C12orf42: variants seen among roughly 807,000 people sequenced by gnomAD.
C12orf42 encodes chromosome 12 open reading frame 42.
C12orf42 carries 25 observed loss-of-function variants against 21.6 expected under a neutral mutation model. That is an observed-to-expected ratio of 1.16 (90% CI 0.84 to 1.62). The LOEUF (loss-of-function observed/expected upper bound fraction) is 1.62, where lower values mean the gene tolerates loss of function less well. C12orf42 is among the 40% of genes most tolerant of loss of function. The pLI, the probability that C12orf42 is intolerant of heterozygous loss-of-function variation, is 0.00. For synonymous variants in C12orf42, 174 were observed against 175.0 expected (o/e 0.99, Z 0.05); for missense variants, 483 against 459.3 (o/e 1.05, Z -0.47).
rs191761209 is a variant in C12orf42, at chr12:103,337,910, T to A, written c.259+30977A>T. On this transcript the variant is annotated intron_variant, in intron 4 of 5. Coordinates refer to ENST00000548883, the MANE Select transcript of C12orf42 (RefSeq NM_198521.5). Reference sequence around the variant, plus strand: ...ATTTGCCAAGATTCAATCAAGTCTCTACCTGACCTCATTTCATCCCTTGAT... The same window carrying A: ...ATTTGCCAAGATTCAATCAAGTCTCAACCTGACCTCATTTCATCCCTTGAT... 3.8e-3 allele frequency among the ~76,000 whole-genome samples: 585 copies of A among 152,302 alleles called. 1 individual carries two copies. Among genetic ancestry groups the A allele is most frequent in the Non-Finnish European group, 5.4e-3 (369 of 68,018 alleles).
the C12orf42 span, among the ~76,000 whole-genome samples, chr12:103,088,832 G>A: frequency 5.3e-5 from 8 of 152,130 alleles, no homozygotes; most frequent in African/African-American, 1.4e-4. Context: ...AGCTGGGTGC[G>A]GTGGCTCACG....
the C12orf42 span, among the ~76,000 whole-genome samples, chr12:103,553,406 T>A: frequency 9.9e-5 from 15 of 152,092 alleles, no homozygotes; most frequent in African/African-American, 3.6e-4. Flanking sequence ...CTGCAGCCCT[T>A]AAAACAAGGA....
At chr12:103,441,863 C>A (rs1433198144) in intron 2 of C12orf42, among the ~76,000 whole-genome samples, 1 of 152,090 alleles carries the variant, frequency 6.6e-6, no homozygotes, top group South Asian at 2.1e-4. Context: ...AAAATCTAGC[C>A]CCAGCATGGT....
chr12:103,310,169 T>C (rs980383293), intron 4 of C12orf42, among the ~76,000 whole-genome samples: 1 of 152,190 alleles, frequency 6.6e-6, no homozygotes, highest in Non-Finnish European at 1.5e-5. Context: ...GCACTATCCC[T>C]CTGGTGCTGT....
At chr12:103,372,192 C>G (rs988547298) in intron 3 of C12orf42, among the ~76,000 whole-genome samples, 1 of 152,132 alleles carries the variant, frequency 6.6e-6, no homozygotes, top group Non-Finnish European at 1.5e-5. Context: ...CTATTAGCAT[C>G]TTCATCCACA....
At chr12:103,068,886 TATAG>T in the C12orf42 span, among the ~76,000 whole-genome samples, 127 of 133,382 alleles carry the variant, frequency 9.5e-4, 1 homozygote, top group East Asian at 4.9e-3. Flanking sequence ...TATATATATA[TATAG>T]ATAGATAGAT....
intron 4 of C12orf42, among the ~76,000 whole-genome samples, chr12:103,368,326 C>T (rs1259211982): frequency 1.3e-5 from 2 of 151,588 alleles, no homozygotes; most frequent in African/African-American, 4.8e-5. Flanking sequence ...CTCACACACA[C>T]ACACACACAC....
the C12orf42 span, among the ~76,000 whole-genome samples, chr12:103,523,740 G>A: frequency 2.6e-5 from 4 of 151,346 alleles, no homozygotes; most frequent in Middle Eastern, 3.4e-3. Flanking sequence ...AGAGCTTTTG[G>A]AATATGAGGA....
At chr12:103,211,858 A>G in the C12orf42 span, among the ~76,000 whole-genome samples, 1 of 152,236 alleles carries the variant, frequency 6.6e-6, no homozygotes, top group Admixed American at 6.5e-5. Flanking sequence ...TATGTTGCAA[A>G]TATTTTTCTC....
intron 4 of C12orf42, among the ~76,000 whole-genome samples, chr12:103,361,909 C>T (rs2044149238): frequency 6.6e-6 from 1 of 152,058 alleles, no homozygotes; most frequent in Non-Finnish European, 1.5e-5. Flanking sequence ...CCTGATGGTC[C>T]TTCCCTACCC....
chr12:103,284,562 G>A (rs185344153), intron 4 of C12orf42, among the ~76,000 whole-genome samples: 195 of 152,226 alleles, frequency 1.3e-3, no homozygotes, highest in African/African-American at 4.5e-3. Context: ...AGGAATTTGG[G>A]GTGTTGGGAA....
chr12:103,343,774 C>CA (rs397747722), intron 4 of C12orf42, among the ~76,000 whole-genome samples: 4,415 of 62,708 alleles, frequency 0.07, 166 homozygotes, highest in East Asian at 0.32. Flanking sequence ...AACTCTGTCA[C>CA]AAAAAAAAAA....
chr12:103,077,718 C>T, the C12orf42 span, among the ~76,000 whole-genome samples: 2 of 152,138 alleles, frequency 1.3e-5, no homozygotes, highest in Non-Finnish European at 2.9e-5. Context: ...AAAAACTGTT[C>T]ACACTCAGGA....
chr12:103,493,035 T>C (rs145858771), intron 1 of C12orf42, among the ~76,000 whole-genome samples: 31 of 152,334 alleles, frequency 2.0e-4, no homozygotes, highest in African/African-American at 7.0e-4. Context: ...TTTCTGCTGT[T>C]GCTTGTCTGG....
chr12:103,079,665 C>T, the C12orf42 span, among the ~76,000 whole-genome samples: 5 of 152,188 alleles, frequency 3.3e-5, no homozygotes, highest in Non-Finnish European at 2.9e-5. Flanking sequence ...ACATTTATTT[C>T]TTGCTCATAA....
the C12orf42 span, among the ~76,000 whole-genome samples, chr12:103,204,994 A>G: frequency 6.6e-6 from 1 of 152,222 alleles, no homozygotes; most frequent in African/African-American, 2.4e-5. Flanking sequence ...AATAACAAAT[A>G]TATTTGAAAA....
chr12:103,473,803 T>C (rs1222896025), intron 2 of C12orf42, among the ~76,000 whole-genome samples: 1 of 152,212 alleles, frequency 6.6e-6, no homozygotes, highest in Non-Finnish European at 1.5e-5. Flanking sequence ...TATTTCTTTG[T>C]ATAATTATCT....
At chr12:103,385,543 G>T (rs546341706) in intron 3 of C12orf42, among the ~76,000 whole-genome samples, 61 of 149,298 alleles carry the variant, frequency 4.1e-4, no homozygotes, top group Non-Finnish European at 8.1e-4. Flanking sequence ...AAGCTTCGCA[G>T]GTAAAACAGA....
chr12:103,534,226 G>A, the C12orf42 span, among the ~76,000 whole-genome samples: 1 of 152,168 alleles, frequency 6.6e-6, no homozygotes, highest in East Asian at 1.9e-4. Flanking sequence ...GCCAATCGCT[G>A]TGTAGAGGTA....
Sources: allele counts gnomAD v4.1 joint callset (sites outside exome capture counted in the v4.1 genomes callset), GRCh38; gene constraint gnomAD v4.1.1; transcripts MANE v1.5; gene names NCBI Gene and HGNC (gene_info 2026-07-23, HGNC 2026-07-21).